The following TRDN variants were observed in gnomAD, a reference collection of about 807,000 sequenced individuals.
TRDN encodes the protein triadin in skeletal muscle.
A neutral mutation model predicts 149.7 loss-of-function variants in TRDN; 161 were observed. The ratio of observed to expected loss-of-function variants is 1.08; its 90% CI spans 0.95 to 1.23. TRDN has a LOEUF of 1.23. TRDN is among the 50% of genes most tolerant of loss of function. TRDN has a pLI of 0.00. For missense variants in TRDN, 896 were observed against 823.5 expected, an observed-to-expected ratio of 1.09 and a Z score of -1.08; for synonymous variants, 294 against 250.5, an observed-to-expected ratio of 1.17 and a Z score of -1.64.
intron 10 of TRDN, chr6:123,462,494 G>C (rs1317390698): frequency 1.3e-5 from 2 of 149,228 alleles, no homozygotes; most frequent in Non-Finnish European, 3.0e-5. Flanking sequence ...ATTTTTTTTA[G>C]ATTTCTACTA....
intron 9 of TRDN, among the ~76,000 whole-genome samples, chr6:123,481,319 C>A (rs1777736596): frequency 1.4e-5 from 2 of 147,488 alleles, no homozygotes; most frequent in South Asian, 4.2e-4. Flanking sequence ...ATTATATTGA[C>A]AAGGTTTGGG....
intron 6 of TRDN, among the ~76,000 whole-genome samples, chr6:123,513,887 TTAACA>T (rs1436914345): frequency 6.6e-6 from 1 of 151,986 alleles, no homozygotes; most frequent in Non-Finnish European, 1.5e-5. Flanking sequence ...ACTGGAGTGT[TTAACA>T]AAACAAAAAA....
intron 24 of TRDN, among the ~76,000 whole-genome samples, chr6:123,284,341 G>C (rs1338847262): frequency 6.6e-6 from 1 of 151,774 alleles, no homozygotes; most frequent in East Asian, 1.9e-4. Context: ...TCATACTAGG[G>C]ATGCAGGGAT....
chr6:123,477,450 A>G (rs1419778147), intron 9 of TRDN, among the ~76,000 whole-genome samples: 1 of 149,502 alleles, frequency 6.7e-6, no homozygotes, highest in Non-Finnish European at 1.5e-5. Flanking sequence ...GAACACTTTT[A>G]CACTGTTGGT....
chr6:123,308,380 A>C (rs546263875), intron 24 of TRDN, among the ~76,000 whole-genome samples: 1 of 150,814 alleles, frequency 6.6e-6, no homozygotes, highest in Non-Finnish European at 1.5e-5. Flanking sequence ...ATAAATACCC[A>C]GTAATTGGAT....
chr6:123,414,053 A>G (rs1773549242), intron 12 of TRDN, among the ~76,000 whole-genome samples: 1 of 152,130 alleles, frequency 6.6e-6, no homozygotes, highest in Non-Finnish European at 1.5e-5. Context: ...ATGCTTTGCT[A>G]CACATGCATC....
intron 5 of TRDN, among the ~76,000 whole-genome samples, chr6:123,522,331 T>C (rs1289198435): frequency 4.6e-5 from 7 of 152,184 alleles, no homozygotes; most frequent in African/African-American, 1.7e-4. Context: ...TACAAGTAAA[T>C]TGACATGTCT....
chr6:123,559,257 C>T (rs1398596837), intron 2 of TRDN, among the ~76,000 whole-genome samples: 1 of 152,190 alleles, frequency 6.6e-6, no homozygotes, highest in Non-Finnish European at 1.5e-5. Flanking sequence ...TTTCCCTTGC[C>T]TCCATAACTG....
intron 23 of TRDN, 109 bp downstream of exon 23, chr6:123,331,770 G>T (rs1779667995): frequency 4.7e-6 from 3 of 634,572 alleles, no homozygotes; most frequent in South Asian, 3.3e-5. Context: ...ACATATGAAG[G>T]CTATGGTTTT....
At chr6:123,479,466 G>C (rs1024081218) in intron 9 of TRDN, among the ~76,000 whole-genome samples, 1 of 152,182 alleles carries the variant, frequency 6.6e-6, no homozygotes, top group African/African-American at 2.4e-5. Context: ...GAAAGACTAT[G>C]TCAATTATCT....
At chr6:123,581,552 T>G (rs1783123409) in intron 1 of TRDN, among the ~76,000 whole-genome samples, 1 of 152,214 alleles carries the variant, frequency 6.6e-6, no homozygotes, top group Non-Finnish European at 1.5e-5. Flanking sequence ...CCTCAATATT[T>G]CTGCATATAG....
intron 10 of TRDN, among the ~76,000 whole-genome samples, chr6:123,443,900 C>T (rs1003049648): frequency 4.0e-5 from 6 of 150,944 alleles, no homozygotes; most frequent in African/African-American, 1.5e-4. Context: ...GGTACCAGTA[C>T]CATGCTGTTT....
intron 2 of TRDN, among the ~76,000 whole-genome samples, chr6:123,557,086 C>T (rs1478244611): frequency 6.6e-6 from 1 of 151,644 alleles, no homozygotes; most frequent in Non-Finnish European, 1.5e-5. Flanking sequence ...GAATAACCCC[C>T]CTTTGACTGT....
At chr6:123,503,347 T>C in intron 8 of TRDN, 1 of 985,326 alleles carries the variant, frequency 1.0e-6, no homozygotes, top group Non-Finnish European at 1.2e-6. Context: ...GGAATTGCTG[T>C]CATTTTGGGG....
chr6:123,393,950 T>C (rs894623854), intron 12 of TRDN, among the ~76,000 whole-genome samples: 9 of 152,178 alleles, frequency 5.9e-5, no homozygotes, highest in Non-Finnish European at 1.0e-4. Context: ...CACTTTGCAT[T>C]TGTTGAGCAT....
At chr6:123,562,841 T>C (rs1782075382) in intron 2 of TRDN, among the ~76,000 whole-genome samples, 1 of 152,346 alleles carries the variant, frequency 6.6e-6, no homozygotes, top group Non-Finnish European at 1.5e-5. Context: ...AAAGCACTTT[T>C]GGTGAGCTAA....
intron 2 of TRDN, among the ~76,000 whole-genome samples, chr6:123,563,644 T>C (rs939178725): frequency 2.0e-5 from 3 of 152,224 alleles, no homozygotes; most frequent in Admixed American, 6.5e-5. Flanking sequence ...AATATTATAC[T>C]ACTCCAGTTG....
chr6:123,289,621 T>G (rs1258463688), intron 24 of TRDN, among the ~76,000 whole-genome samples: 1 of 152,128 alleles, frequency 6.6e-6, no homozygotes, highest in African/African-American at 2.4e-5. Context: ...TCCATGGCAA[T>G]GTCCTAGTGA....
intron 2 of TRDN, among the ~76,000 whole-genome samples, chr6:123,557,429 C>G (rs777269996): frequency 6.6e-6 from 1 of 152,100 alleles, no homozygotes; most frequent in African/African-American, 2.4e-5. Context: ...CCTCTTTCTA[C>G]TCTCTTCTCC....
Sources: gnomAD v4.1 joint callset for allele counts (sites outside exome capture counted in the v4.1 genomes callset) on GRCh38, gnomAD v4.1.1 for gene constraint, MANE v1.5 for transcripts, NCBI Gene and HGNC (gene_info 2026-07-23, HGNC 2026-07-21) for gene names.